Variants in CREB5 observed in about 807,000 individuals in gnomAD.
CREB5 encodes the protein cAMP responsive element binding protein 5, also known as cyclic AMP-responsive element-binding protein 5.
CREB5 carries 19 observed loss-of-function variants against 57.1 expected under a neutral mutation model. That is an observed-to-expected ratio of 0.33 (90% CI 0.23 to 0.49). The LOEUF is 0.49. Ranked by LOEUF, CREB5 falls within the 20% of genes least tolerant of loss-of-function variation. The pLI is 0.99. For synonymous variants in CREB5, 238 were observed against 238.3 expected (o/e 1.00, Z 0.01); for missense variants, 579 against 671.6 (o/e 0.86, Z 1.52).
At chr7:28,694,302 G>A (rs553122576) in intron 5 of CREB5, among the ~76,000 whole-genome samples, 16 of 151,974 alleles carry the variant, frequency 1.1e-4, no homozygotes, top group Admixed American at 9.8e-4. Context: ...TAGCATTTTC[G>A]CCTTTAGTTT....
At position 28,703,897 on chromosome 7, in the gene CREB5, C is replaced by A. The variant is rs542613351; in HGVS notation, c.465-14856C>A. On this transcript the variant is annotated intron_variant, in intron 5 of 10. Coordinates refer to ENST00000357727, the MANE Select transcript of CREB5 (RefSeq NM_182898.4). ...TGGCCCAGTCAAGTTGACATAAAAC[C>A]TACCATCACAGGCACCATGGACTGG... 5.3e-5 allele frequency among the ~76,000 whole-genome samples: 8 copies of A among 152,288 alleles called. No homozygotes were observed. In the East Asian group the frequency reaches 1.5e-3, roughly 29 times the overall value.
chr7:28,350,714 G>A (rs1397955086), intron 1 of CREB5, among the ~76,000 whole-genome samples: 1 of 152,062 alleles, frequency 6.6e-6, no homozygotes, highest in African/African-American at 2.4e-5. Flanking sequence ...GCGATCCCAG[G>A]GAGAGCCCTG....
Position 28,724,238 on chromosome 7 carries a change from C to T in CREB5, c.608C>T (p.Ser203Leu). The change falls in exon 7 of 11, where the codon TCA becomes TTA. Residue 203 changes from serine to leucine, a missense_variant. Ser to Leu is a moderately radical substitution (Grantham distance 145). Transcript: ENST00000357727. ...AVLMPMERQM[S>L]VNSSIMGMQG... is the part of the protein sequence containing the mutation. ...TTCTCTTAGATGGAGCGACAAATGT[C>T]AGTGAACTCCAGCATCATGGGGATG... is the stretch of plus-strand genomic sequence containing the variant. The T allele has an allele frequency of 6.2e-7, 1 of 1,613,172 alleles. No homozygotes were observed. Among genetic ancestry groups the T allele is most frequent in the South Asian group, 1.1e-5 (1 of 91,036 alleles).
At chr7:28,427,026 G>A (rs537174602) in intron 1 of CREB5, among the ~76,000 whole-genome samples, 2 of 152,262 alleles carry the variant, frequency 1.3e-5, no homozygotes, top group African/African-American at 2.4e-5. Context: ...TTAGGTATAC[G>A]GATGAAGTCC....
chr7:28,819,534 T>C lies in CREB5; in HGVS notation c.*255T>C. 1 of 415,196 alleles carries C rather than the reference T, an allele frequency of 2.4e-6. No homozygotes were observed. The highest frequency in any genetic ancestry group is 4.3e-6 in the Non-Finnish European group (1 of 233,628). 25.7% of individuals were successfully genotyped at this position (415,196 alleles called of 1,614,324 possible). On this transcript the variant is annotated 3_prime_UTR_variant, in exon 11 of 11. Transcript: ENST00000357727. ...TCTCCAGTTTTCTGGTACCAGTTAC[T>C]TGTTTATAAACTGAACCTTTTCTGT...
chr7:28,483,635 G>C (rs751581226), intron 1 of CREB5, among the ~76,000 whole-genome samples: 5 of 152,140 alleles, frequency 3.3e-5, no homozygotes, highest in Non-Finnish European at 5.9e-5. Context: ...AAAGGTATCG[G>C]ACTACTCAGA....
rs539695332 is a variant in CREB5, at chr7:28,367,893, G to A, written c.-25+68452G>A. On this transcript the variant is annotated intron_variant, in intron 1 of 9. Transcript: ENST00000396299. ...ATTCTGGATCCATCCACTTCTCTTCGTCACCTTCCCTGCTCCCTCCCTAGA... is the reference window on the plus strand; with the variant it reads ...ATTCTGGATCCATCCACTTCTCTTCATCACCTTCCCTGCTCCCTCCCTAGA... Among the ~76,000 whole-genome samples, 6 of 152,162 alleles carry A rather than the reference G, an allele frequency of 3.9e-5. No homozygotes were observed. In the South Asian group the frequency reaches 6.2e-4, roughly 16 times the overall value.
intron 5 of CREB5, among the ~76,000 whole-genome samples, chr7:28,678,405 A>G (rs1229058501): frequency 6.6e-6 from 1 of 152,178 alleles, no homozygotes; most frequent in African/African-American, 2.4e-5. Context: ...TAAAAATAAA[A>G]ATAAAAATAA....
intron 1 of CREB5, among the ~76,000 whole-genome samples, chr7:28,463,384 T>C (rs980916374): frequency 6.6e-6 from 1 of 152,202 alleles, no homozygotes; most frequent in Non-Finnish European, 1.5e-5. Context: ...ACTTTGTTCC[T>C]TTTCAAGATT....
At chr7:28,686,227 CT>C (rs753665482) in intron 5 of CREB5, 2 of 1,575,976 alleles carry the variant, frequency 1.3e-6, no homozygotes, top group Non-Finnish European at 1.7e-6. Context: ...TTCTTTTCTC[CT>C]GATTTTATAG....
At chr7:28,489,591 G>A (rs994556730) in intron 2 of CREB5, among the ~76,000 whole-genome samples, 1 of 152,120 alleles carries the variant, frequency 6.6e-6, no homozygotes, top group South Asian at 2.1e-4. Context: ...GTGAGCCACC[G>A]CGCCCGGCCG....
upstream of CREB5, chr7:28,410,162 C>T (rs1241064508): frequency 9.6e-6 from 4 of 414,826 alleles, no homozygotes; most frequent in South Asian, 7.0e-5. Flanking sequence ...TGGGCGCGCG[C>T]CCGGGGAGGG....
rs1201099608 is a variant in CREB5 at position 28,560,973 on chromosome 7, CGT to C, written c.292-9386_292-9385del. 2.8e-3 allele frequency among the ~76,000 whole-genome samples: 88 copies of C among 31,596 alleles called. 3 individuals carry two copies. The highest frequency in any genetic ancestry group is 4.0e-3 in the South Asian group (3 of 744). 20.7% of individuals were successfully genotyped at this position (31,596 alleles called of 152,430 possible). Reference sequence around the variant, plus strand: ...GTGCGTGTGTGTGCGTGTGTGTGTGCGTGTGTGCGTGCGTGTGTGTGCCTGCG... The same window carrying C: ...GTGCGTGTGTGTGCGTGTGTGTGTGCGTGTGCGTGCGTGTGTGTGCCTGCG... On this transcript the variant is annotated intron_variant, in intron 4 of 10. Coordinates refer to ENST00000357727, the MANE Select transcript of CREB5 (RefSeq NM_182898.4).
At chr7:28,558,696 G>A (rs1315285403) in intron 4 of CREB5, among the ~76,000 whole-genome samples, 2 of 152,154 alleles carry the variant, frequency 1.3e-5, no homozygotes, top group East Asian at 3.9e-4. Flanking sequence ...GCTTGGGCAA[G>A]GGAAAGGCAA....
chr7:28,737,584 T>TATATATATAA (rs1562606948), intron 7 of CREB5, among the ~76,000 whole-genome samples: 8 of 27,560 alleles, frequency 2.9e-4, no homozygotes, highest in African/African-American at 8.0e-4. Context: ...TATATATATA[T>TATATATATAA]ATATTTTTAA....
chr7:28,691,094 TGA>T (rs1801230880), intron 5 of CREB5, among the ~76,000 whole-genome samples: 1 of 152,180 alleles, frequency 6.6e-6, no homozygotes, highest in South Asian at 2.1e-4. Context: ...AATTCAGTTA[TGA>T]GAACTGAATT....
intron 1 of CREB5, among the ~76,000 whole-genome samples, chr7:28,344,646 A>G (rs781145175): frequency 3.9e-5 from 6 of 152,198 alleles, no homozygotes; most frequent in Non-Finnish European, 8.8e-5. Context: ...AAATGGCAGT[A>G]GTAAGTTCTT....
intron 8 of CREB5, among the ~76,000 whole-genome samples, chr7:28,807,572 A>C (rs1193144152): frequency 6.6e-6 from 1 of 152,236 alleles, no homozygotes; most frequent in East Asian, 1.9e-4. Flanking sequence ...ATTAAAATAC[A>C]TCACCATCAG....
intron 1 of CREB5, 115 bp downstream of exon 1, chr7:28,413,032 A>C: frequency 1.0e-6 from 1 of 962,340 alleles, no homozygotes; most frequent in South Asian, 3.1e-5. Context: ...TAGATTTTGC[A>C]CAAAATTTTA....
Sources: allele counts gnomAD v4.1 joint callset (sites outside exome capture counted in the v4.1 genomes callset), GRCh38; gene constraint gnomAD v4.1.1; transcripts MANE v1.5; gene names NCBI Gene and HGNC (gene_info 2026-07-23, HGNC 2026-07-21).